Variants in CFAP299 observed in about 807,000 individuals in gnomAD.
The protein encoded by CFAP299 is cilia- and flagella-associated protein 299.
In CFAP299, 21 loss-of-function variants were observed where a neutral mutation model predicts 27.0. The observed-to-expected ratio is 0.78, with a 90% CI of 0.55 to 1.12. The LOEUF is 1.12. CFAP299 is among the 50% of genes most tolerant of loss of function. The pLI is 0.00. For synonymous variants in CFAP299, 104 were observed against 98.1 expected (o/e 1.06, Z -0.36); for missense variants, 310 against 276.6 (o/e 1.12, Z -0.86).
In CFAP299 at chr4:80,390,638, C is replaced by CACATATGT. The variant is rs1560543299; in HGVS notation, c.242+27755_242+27756insCATATGTA. Among the ~76,000 whole-genome samples the CACATATGT allele has an allele frequency of 1.9e-3, 239 of 128,672 alleles. 3 individuals carry two copies. Among genetic ancestry groups the CACATATGT allele is most frequent in the African/African-American group, 6.2e-3 (205 of 33,244 alleles). The allele number at this position is 128,672 out of a possible 152,430, so 84.4% of individuals were successfully genotyped here. A position where few individuals can be genotyped will look rare whatever the true frequency, so the allele number is the denominator to read the frequency against. On this transcript the variant is annotated intron_variant, in intron 2 of 5. Coordinates refer to ENST00000358105, the MANE Select transcript of CFAP299 (RefSeq NM_152770.3). Reference sequence around the variant, plus strand: ...ATGTATATATGTATATATGTATACACATATATGTATGTACACACATATGTA... The same window carrying CACATATGT: ...ATGTATATATGTATATATGTATACACACATATGTATATATGTATGTACACACATATGTA...
chr4:80,712,935 C>T (rs1437240513), intron 3 of CFAP299, among the ~76,000 whole-genome samples: 2 of 152,032 alleles, frequency 1.3e-5, no homozygotes, highest in Admixed American at 6.6e-5. Context: ...CCTATTAGAA[C>T]CCTGTTAAAG....
chr4:80,839,263 T>C (rs1730734565), intron 3 of CFAP299, among the ~76,000 whole-genome samples: 1 of 152,136 alleles, frequency 6.6e-6, no homozygotes, highest in South Asian at 2.1e-4. Context: ...TCATCATTAT[T>C]TTCAGCATCA....
intron 4 of CFAP299, among the ~76,000 whole-genome samples, chr4:80,936,330 G>C (rs528262898): frequency 6.6e-6 from 1 of 152,006 alleles, no homozygotes; most frequent in African/African-American, 2.4e-5. Context: ...TGATATAAAT[G>C]CATGTGTATG....
At chr4:80,561,244 C>A (rs1115348) in intron 2 of CFAP299, among the ~76,000 whole-genome samples, 11,678 of 152,192 alleles carry the variant, frequency 0.077, 665 homozygotes, top group East Asian at 0.26. Flanking sequence ...CTGAAAGAAC[C>A]ACAGCATTAC....
chr4:80,558,354 G>GTTTTTTTTTTTTTTTTTTT (rs1159652533), intron 2 of CFAP299, among the ~76,000 whole-genome samples: 11 of 126,438 alleles, frequency 8.7e-5, no homozygotes, highest in South Asian at 2.5e-4. Context: ...TTGTTTGTTT[G>GTTTTTTTTTTTTTTTTTTT]TTTGTTTGTT....
chr4:80,538,610 G>C (rs1461271764), intron 2 of CFAP299, among the ~76,000 whole-genome samples: 1 of 151,430 alleles, frequency 6.6e-6, no homozygotes, highest in East Asian at 1.9e-4. Context: ...GTTTAGATAT[G>C]TTTAAATACA....
intron 2 of CFAP299, among the ~76,000 whole-genome samples, chr4:80,468,833 C>CA (rs762711937): frequency 0.049 from 3,429 of 69,670 alleles, 120 homozygotes; most frequent in African/African-American, 0.085. Flanking sequence ...GACTCTGTCT[C>CA]AAAAAAAAAA....
chr4:80,799,890 T>C lies in CFAP299; in HGVS notation c.334-70103T>C, dbSNP rs1345942156. Among the ~76,000 whole-genome samples the C allele has an allele frequency of 2.3e-3, 94 of 41,292 alleles. 1 individual carries two copies. The highest frequency in any genetic ancestry group is 3.2e-3 in the Non-Finnish European group (82 of 25,534). 27.1% of individuals were successfully genotyped at this position (41,292 alleles called of 152,430 possible). On this transcript the variant is annotated intron_variant, in intron 3 of 5. Transcript: ENST00000358105. ...TATATATATTATATTATATAATATA[T>C]AAATTATATATTATAATATAATATA...
intron 2 of CFAP299, among the ~76,000 whole-genome samples, chr4:80,431,509 G>C (rs1727816167): frequency 6.8e-6 from 1 of 147,718 alleles, no homozygotes; most frequent in East Asian, 2.0e-4. Flanking sequence ...TCCTCCTCCT[G>C]TTTCTTCTCT....
intron 2 of CFAP299, among the ~76,000 whole-genome samples, chr4:80,487,118 A>T (rs1275587725): frequency 6.6e-6 from 1 of 152,052 alleles, no homozygotes; most frequent in East Asian, 1.9e-4. Context: ...ATTTGATTCA[A>T]CTCCTTTAAC....
At chr4:80,577,150 C>T (rs1327894799) in intron 2 of CFAP299, among the ~76,000 whole-genome samples, 1 of 152,110 alleles carries the variant, frequency 6.6e-6, no homozygotes, top group Non-Finnish European at 1.5e-5. Context: ...TGTGAGCCTT[C>T]ATTATAGTGA....
At chr4:80,398,052 CAG>C in intron 2 of CFAP299, among the ~76,000 whole-genome samples, 1 of 152,208 alleles carries the variant, frequency 6.6e-6, no homozygotes, top group African/African-American at 2.4e-5. Flanking sequence ...AACAGACAAA[CAG>C]AGAGCCAAAT....
intron 3 of CFAP299, among the ~76,000 whole-genome samples, chr4:80,764,847 C>G (rs766539342): frequency 4.6e-5 from 7 of 152,032 alleles, no homozygotes; most frequent in Non-Finnish European, 1.0e-4. Flanking sequence ...AACAGAAAAC[C>G]AAACACTGCA....
intron 3 of CFAP299, among the ~76,000 whole-genome samples, chr4:80,848,157 G>A (rs1192369932): frequency 1.3e-5 from 2 of 151,924 alleles, no homozygotes; most frequent in East Asian, 3.9e-4. Context: ...GCTGCAGTGA[G>A]CTGAGATCAT....
At chr4:80,432,495 T>C (rs1475892304) in intron 2 of CFAP299, among the ~76,000 whole-genome samples, 1 of 150,284 alleles carries the variant, frequency 6.7e-6, no homozygotes, top group East Asian at 2.0e-4. Flanking sequence ...ACAGTCTTTT[T>C]AGCACAAGTT....
rs1560543496 is a variant in CFAP299 at position 80,390,724 on chromosome 4, C to CACACAT, written c.242+27841_242+27842insCACATA. 4.3e-3 allele frequency among the ~76,000 whole-genome samples: 508 copies of CACACAT among 119,154 alleles called. 14 individuals carry two copies. Among genetic ancestry groups the CACACAT allele is most frequent in the African/African-American group, 0.015 (444 of 29,286 alleles). The allele number at this position is 119,154 out of a possible 152,430, so 78.2% of individuals were successfully genotyped here. ...ATATGTATATATGTATACACACATA[C>CACACAT]ATGTATATATGTATATATGTATATA... is the stretch of plus-strand genomic sequence containing the variant. On this transcript the variant is annotated intron_variant, in intron 2 of 5. Coordinates refer to ENST00000358105, the MANE Select transcript of CFAP299 (RefSeq NM_152770.3).
At chr4:80,879,501 G>A (rs1733580805) in intron 4 of CFAP299, among the ~76,000 whole-genome samples, 1 of 152,058 alleles carries the variant, frequency 6.6e-6, no homozygotes, top group Admixed American at 6.5e-5. Context: ...AGAATTACAT[G>A]TTAATTTAGC....
chr4:80,653,734 A>G (rs1740421329), intron 3 of CFAP299, among the ~76,000 whole-genome samples: 1 of 152,194 alleles, frequency 6.6e-6, no homozygotes, highest in Admixed American at 6.5e-5. Flanking sequence ...TTTGAAGCAT[A>G]CAATACATTT....
intron 3 of CFAP299, among the ~76,000 whole-genome samples, chr4:80,692,701 C>G (rs1720804769): frequency 6.6e-6 from 1 of 152,094 alleles, no homozygotes; most frequent in Non-Finnish European, 1.5e-5. Context: ...CAAATGGGAT[C>G]TAATTAAACT....
Sources: allele counts gnomAD v4.1 joint callset (sites outside exome capture counted in the v4.1 genomes callset), GRCh38; gene constraint gnomAD v4.1.1; transcripts MANE v1.5; gene names NCBI Gene and HGNC (gene_info 2026-07-23, HGNC 2026-07-21).